RYR3: variants seen among roughly 807,000 people sequenced by gnomAD.
The protein encoded by RYR3 is ryanodine receptor 3, also known as brain ryanodine receptor-calcium release channel.
Under a neutral mutation model 584.3 loss-of-function variants are expected in RYR3, and 207 were observed. The ratio of observed to expected loss-of-function variants is 0.35; its 90% CI spans 0.32 to 0.40. The LOEUF is 0.40. Ranked by LOEUF, RYR3 falls within the 10% of genes least tolerant of loss-of-function variation. The pLI is 1.00. For missense variants in RYR3, 5,616 were observed against 6,089.2 expected (o/e 0.92, Z 2.59); for synonymous variants, 2,416 against 2,248.5 (o/e 1.07, Z -2.11).
chr15:33,373,871 G>C (rs1363019205), intron 1 of RYR3, among the ~76,000 whole-genome samples: 1 of 152,064 alleles, frequency 6.6e-6, no homozygotes, highest in Non-Finnish European at 1.5e-5. Context: ...TAAAATGAAA[G>C]GTAAATAAGT....
chr15:33,652,609 C>A, intron 31 of RYR3, 109 bp from the exon 32 acceptor site: 1 of 1,136,448 alleles, frequency 8.8e-7, no homozygotes, highest in Non-Finnish European at 1.3e-6. Context: ...GAACAGAAAG[C>A]TTCCTAGGAA....
chr15:33,560,357 T>C (rs1006045613), intron 10 of RYR3, among the ~76,000 whole-genome samples: 1 of 152,228 alleles, frequency 6.6e-6, no homozygotes, highest in African/African-American at 2.4e-5. Context: ...TGGAAGCCGA[T>C]GCTGTTTTGT....
chr15:33,344,537 C>T (rs149797524), intron 1 of RYR3, among the ~76,000 whole-genome samples: 368 of 151,848 alleles, frequency 2.4e-3, no homozygotes, highest in African/African-American at 8.0e-3. Context: ...TCATCTAGTT[C>T]ATATAGAAAA....
At chr15:33,327,184 T>C (rs1345432287) in intron 1 of RYR3, among the ~76,000 whole-genome samples, 2 of 152,164 alleles carry the variant, frequency 1.3e-5, no homozygotes, top group Non-Finnish European at 2.9e-5. Context: ...AAGTAAGTAC[T>C]TTGAGAACAT....
At chr15:33,465,456 C>T (rs1470199304) in intron 1 of RYR3, among the ~76,000 whole-genome samples, 4 of 152,112 alleles carry the variant, frequency 2.6e-5, no homozygotes, top group African/African-American at 9.7e-5. Flanking sequence ...TCCCTTTTTT[C>T]CATATGCTCA....
intron 30 of RYR3, among the ~76,000 whole-genome samples, 172 bp downstream of exon 30, chr15:33,647,632 G>A (rs1325396241): frequency 6.6e-6 from 1 of 152,154 alleles, no homozygotes; most frequent in South Asian, 2.1e-4. Context: ...TCTCAAGTGG[G>A]GGAAAGACAG....
At chr15:33,314,489 A>G (rs181593513) in intron 1 of RYR3, among the ~76,000 whole-genome samples, 168 of 152,348 alleles carry the variant, frequency 1.1e-3, no homozygotes, top group African/African-American at 4.0e-3. Context: ...TTTCTCTCCT[A>G]CTTTTTCCTT....
At chr15:33,613,115 T>A in intron 18 of RYR3, 68 bp from the exon 19 acceptor site, 1 of 1,283,366 alleles carries the variant, frequency 7.8e-7, no homozygotes, top group African/African-American at 1.5e-5. Context: ...CAGAGGCCTC[T>A]GAGCCTTTCT....
At chr15:33,410,148 T>G (rs2031384119) in intron 1 of RYR3, among the ~76,000 whole-genome samples, 1 of 152,200 alleles carries the variant, frequency 6.6e-6, no homozygotes, top group Non-Finnish European at 1.5e-5. Context: ...GGAAGAACAG[T>G]ATAACTGGCC....
intron 3 of RYR3, among the ~76,000 whole-genome samples, chr15:33,522,190 G>T (rs1466287003): frequency 6.6e-6 from 1 of 151,888 alleles, no homozygotes; most frequent in Non-Finnish European, 1.5e-5. Flanking sequence ...TGGAACCCAG[G>T]GGGCAGAGGC....
intron 19 of RYR3, among the ~76,000 whole-genome samples, chr15:33,622,231 G>C (rs778316353): frequency 6.6e-6 from 1 of 152,166 alleles, no homozygotes; most frequent in Non-Finnish European, 1.5e-5. Flanking sequence ...CATAGACCCT[G>C]CCTGATACAG....
At chr15:33,437,091 TGA>T (rs2045788038) in intron 1 of RYR3, among the ~76,000 whole-genome samples, 2 of 150,792 alleles carry the variant, frequency 1.3e-5, no homozygotes, top group African/African-American at 2.5e-5. Context: ...TCCATGTGTT[TGA>T]GTGTGTGTGA....
chr15:33,726,436 C>G lies in RYR3; in HGVS notation c.6963C>G (p.Arg2321=). 6.2e-7 allele frequency: 1 copy of G among 1,611,648 alleles called. No homozygotes were observed. The highest frequency in any genetic ancestry group is 1.1e-5 in the South Asian group (1 of 90,310). ...GEAIRIRSIL[R]SLVPTEDLVG... ...CCATCCGCATCAGGTCCATCCTGCG[C>G]TCCCTGGTCCCCACAGAAGACCTGG... Residue 2321 remains arginine, a synonymous_variant, in exon 46 of 104, where the codon CGC becomes CGG. Coordinates refer to ENST00000634891, the MANE Select transcript of RYR3 (RefSeq NM_001036.6).
intron 1 of RYR3, among the ~76,000 whole-genome samples, chr15:33,465,049 G>C (rs561765974): frequency 6.6e-6 from 1 of 152,258 alleles, no homozygotes; most frequent in South Asian, 2.1e-4. Flanking sequence ...AATAACATCT[G>C]TGTTATTGCA....
intron 2 of RYR3, among the ~76,000 whole-genome samples, chr15:33,493,710 C>T (rs917507476): frequency 2.6e-5 from 4 of 152,128 alleles, no homozygotes; most frequent in East Asian, 1.9e-4. Context: ...CTTGGCTCAC[C>T]GTATTTCTGC....
At chr15:33,486,991 A>C (rs1360852599) in intron 2 of RYR3, among the ~76,000 whole-genome samples, 1 of 152,108 alleles carries the variant, frequency 6.6e-6, no homozygotes, top group Admixed American at 6.5e-5. Context: ...TGAGGCCAGG[A>C]GTTCAAGACC....
Position 33,518,579 on chromosome 15 carries a change from A to G in RYR3, c.280-12013A>G, listed in dbSNP as rs570458233. ...GAAGTCAGGTTTTACTGTCAGCCCC[A>G]GTCGGTTATCCTCCCATTGTCAGTG... On this transcript the variant is annotated intron_variant, in intron 3 of 103. Transcript: ENST00000634891. 8.8e-4 allele frequency among the ~76,000 whole-genome samples: 134 copies of G among 152,288 alleles called. 1 individual carries two copies. The South Asian group carries it at 0.021, about 23-fold the overall frequency.
Position 33,853,084 on chromosome 15 carries a change from A to G in RYR3, c.13668A>G (p.Arg4556=). 1 of 1,598,428 alleles carries G rather than the reference A, an allele frequency of 6.3e-7. No homozygotes were observed. The highest frequency in any genetic ancestry group is 8.5e-7 in the Non-Finnish European group (1 of 1,174,288). The change falls in exon 95 of 104, where the codon AGA becomes AGG. Residue 4556 remains arginine, a synonymous_variant. Transcript: ENST00000634891. ...ACTACTGGGACAAGTTTGTAAAGAG[A>G]AAGGTATGCCTTGTTAGTGGGGGTG... ...PNNYWDKFVK[R]KVINKYGDLY...
At chr15:33,370,545 A>G (rs1445428382) in intron 1 of RYR3, among the ~76,000 whole-genome samples, 2 of 152,150 alleles carry the variant, frequency 1.3e-5, no homozygotes, top group African/African-American at 4.8e-5. Flanking sequence ...CTCATCTTTC[A>G]TGTAGGTAAT....
Sources: allele counts gnomAD v4.1 joint callset (sites outside exome capture counted in the v4.1 genomes callset), GRCh38; gene constraint gnomAD v4.1.1; transcripts MANE v1.5; gene names NCBI Gene and HGNC (gene_info 2026-07-23, HGNC 2026-07-21).